AGPAT3: variants seen among roughly 807,000 people sequenced by gnomAD.
AGPAT3 encodes 1-acylglycerol-3-phosphate O-acyltransferase 3, also known as 1-acyl-sn-glycerol-3-phosphate acyltransferase gamma.
AGPAT3 carries 5 observed loss-of-function variants against 47.3 expected under a neutral mutation model. That is an observed-to-expected ratio of 0.11 (90% CI 0.06 to 0.22). The LOEUF is 0.22. Among genes scored for constraint, AGPAT3 ranks in the 10% least tolerant of loss-of-function variants. AGPAT3 has a pLI of 1.00. For missense variants in AGPAT3, 315 were observed against 493.0 expected, an observed-to-expected ratio of 0.64 and a Z score of 3.42; for synonymous variants, 212 against 208.3, an observed-to-expected ratio of 1.02 and a Z score of -0.15.
At chr21:43,917,839 T>TG (rs2086771926) in intron 2 of AGPAT3, among the ~76,000 whole-genome samples, 19 of 56,720 alleles carry the variant, frequency 3.3e-4, no homozygotes, top group Middle Eastern at 7.7e-3. Context: ...TTGTGGGTGT[T>TG]GTGTTGTGGG....
intron 7 of AGPAT3, among the ~76,000 whole-genome samples, chr21:43,975,900 G>C (rs976926443): frequency 2.0e-5 from 3 of 152,060 alleles, no homozygotes; most frequent in African/African-American, 7.2e-5. Flanking sequence ...CCGTCGCAGG[G>C]AAGAGGCAGC....
chr21:43,916,357 A>G (rs1193382882), intron 2 of AGPAT3: 2 of 152,200 alleles, frequency 1.3e-5, no homozygotes, highest in Non-Finnish European at 2.9e-5. Flanking sequence ...CTGCCTTCAC[A>G]TGCTGAGATG....
intron 5 of AGPAT3, 137 bp downstream of exon 5, chr21:43,969,416 T>G (rs1396182019): frequency 8.8e-7 from 1 of 1,138,710 alleles, no homozygotes; most frequent in East Asian, 2.5e-5. Flanking sequence ...CATGGGGCCA[T>G]GACTCCCCCA....
At chr21:43,902,519 G>C (rs1300259914) in intron 1 of AGPAT3, among the ~76,000 whole-genome samples, 5 of 152,248 alleles carry the variant, frequency 3.3e-5, no homozygotes, top group African/African-American at 1.2e-4. Context: ...CAAGGTGCCT[G>C]TAGGTTTGGT....
At chr21:43,918,180 AGTTGTGGGTGTTGGGTTGTGGAG>A (rs2086798434) in intron 2 of AGPAT3, among the ~76,000 whole-genome samples, 1 of 60,630 alleles carries the variant, frequency 1.6e-5, no homozygotes, top group African/African-American at 4.9e-5. Flanking sequence ...GTGTTGTGGG[AGTTGTGGGTGTTGGGTTGTGGAG>A]GTTGTGGGTG....
rs1477929441 is a variant in AGPAT3 at position 43,930,789 on chromosome 21, C to T, written c.-49+26770C>T. ...TGGGGTGGCAGGAGGTGGCTCCTCA[C>T]GGTGGCCGGGGTGGCCCACGGCAGG... On this transcript the variant is annotated intron_variant, in intron 2 of 9. Transcript: ENST00000291572. The surrounding 1 kb of genome is among the most constrained non-coding windows in gnomAD (Gnocchi z 5.0). Among the ~76,000 whole-genome samples, 11 of 152,136 alleles carry T rather than the reference C, an allele frequency of 7.2e-5. No individual in the cohort carries two copies. Among genetic ancestry groups the T allele is most frequent in the African/African-American group, 2.4e-4 (10 of 41,434 alleles).
intron 1 of AGPAT3, among the ~76,000 whole-genome samples, chr21:43,874,959 G>C (rs1186322461): frequency 1.3e-5 from 2 of 152,080 alleles, no homozygotes; most frequent in African/African-American, 4.8e-5. Context: ...TATATAACCT[G>C]TGCACATTCT....
chr21:43,918,722 G>A (rs375887936), intron 2 of AGPAT3, among the ~76,000 whole-genome samples: 3 of 151,864 alleles, frequency 2.0e-5, no homozygotes, highest in South Asian at 2.1e-4. Context: ...AATTACAGGC[G>A]TGCGCCACCA....
intron 1 of AGPAT3, among the ~76,000 whole-genome samples, chr21:43,869,487 C>T (rs904794611): frequency 6.6e-6 from 1 of 152,188 alleles, no homozygotes; most frequent in African/African-American, 2.4e-5. Flanking sequence ...AGGAAGACCG[C>T]GTCAGTTTGG....
Position 43,920,710 on chromosome 21 carries a change from A to G in AGPAT3, c.-49+16691A>G, listed in dbSNP as rs971396614. Among the ~76,000 whole-genome samples the G allele has an allele frequency of 5.3e-5, 8 of 150,900 alleles. No individual in the cohort carries two copies. Among genetic ancestry groups the G allele is most frequent in the East Asian group, 1.9e-4 (1 of 5,158 alleles). ...AGCGTTTGGGGGCTTGCAGGCTGCT[A>G]AGCACGGGGAGGTTCCCGGAGGGTG... is the stretch of plus-strand genomic sequence containing the variant. On this transcript the variant is annotated intron_variant, in intron 2 of 9. Transcript: ENST00000291572. This position sits in a 1 kb window ranked among gnomAD's most constrained non-coding sequence, Gnocchi z 6.1.
At chr21:43,883,520 T>TC (rs2085900132) in intron 1 of AGPAT3, among the ~76,000 whole-genome samples, 1 of 152,256 alleles carries the variant, frequency 6.6e-6, no homozygotes, top group African/African-American at 2.4e-5. Context: ...CTTGAGTTTT[T>TC]CCCCAGAGTG....
At position 43,911,572 on chromosome 21, in the gene AGPAT3, T is replaced by C. The variant is rs149456408; in HGVS notation, c.-49+7553T>C. ...TTGCCTCCTGCCTGCTCTTTCTTTC[T>C]GTCTGTCTGGTGCCGTTCATAAGTT... On this transcript the variant is annotated intron_variant, in intron 2 of 9. Coordinates refer to ENST00000291572, the MANE Select transcript of AGPAT3 (RefSeq NM_020132.5). 1.7e-3 allele frequency among the ~76,000 whole-genome samples: 261 copies of C among 152,318 alleles called. 2 individuals are homozygous for C. The highest frequency in any genetic ancestry group is 5.5e-3 in the African/African-American group (229 of 41,576).
intron 1 of AGPAT3, among the ~76,000 whole-genome samples, chr21:43,877,648 T>C (rs2085763580): frequency 6.6e-6 from 1 of 152,110 alleles, no homozygotes; most frequent in South Asian, 2.1e-4. Flanking sequence ...TTCTCCTTGT[T>C]GGTCAGGCTG....
chr21:43,867,369 C>G, intron 1 of AGPAT3: 1 of 152,386 alleles, frequency 6.6e-6, no homozygotes, highest in East Asian at 1.9e-4. Flanking sequence ...TGTTGGAATT[C>G]TCCTAAACAG....
intron 1 of AGPAT3, among the ~76,000 whole-genome samples, chr21:43,890,275 C>G (rs1008975067): frequency 1.3e-5 from 2 of 152,140 alleles, no homozygotes; most frequent in Non-Finnish European, 2.9e-5. Flanking sequence ...TGAGACCGCG[C>G]GTCTGCTTCC....
rs148347181 is a variant in AGPAT3 at position 43,987,346 on chromosome 21, A to G, written c.*4954A>G. Among the ~76,000 whole-genome samples the G allele has an allele frequency of 8.5e-4, 129 of 152,310 alleles. 1 individual carries two copies. The highest frequency in any genetic ancestry group is 3.8e-3 in the Admixed American group (58 of 15,306). ...AGTTGCTTTCTGGGAGGGGAAATTGAAAAGGAGAGCGGTCACCTGGCAAAA... is the reference window on the plus strand; with the variant it reads ...AGTTGCTTTCTGGGAGGGGAAATTGGAAAGGAGAGCGGTCACCTGGCAAAA... On this transcript the variant is annotated 3_prime_UTR_variant, in exon 10 of 10. Coordinates refer to ENST00000291572, the MANE Select transcript of AGPAT3 (RefSeq NM_020132.5).
intron 1 of AGPAT3, among the ~76,000 whole-genome samples, chr21:43,895,776 G>A (rs953494289): frequency 6.6e-6 from 1 of 151,518 alleles, no homozygotes; most frequent in Non-Finnish European, 1.5e-5. Context: ...GTTTTTCGTG[G>A]GTTTTTTTGA....
intron 2 of AGPAT3, among the ~76,000 whole-genome samples, chr21:43,907,016 G>GTTTC (rs1184162438): frequency 6.7e-6 from 1 of 149,354 alleles, no homozygotes; most frequent in African/African-American, 2.5e-5. Flanking sequence ...GCGAGGGTCT[G>GTTTC]TTTCTTTTCT....
rs1454592259 is a variant in AGPAT3 at position 43,968,133 on chromosome 21, G to A, written c.348+18G>A. 6 of 1,611,380 alleles carry A rather than the reference G, an allele frequency of 3.7e-6. No homozygotes were observed. Among genetic ancestry groups the A allele is most frequent in the Non-Finnish European group, 5.1e-6 (6 of 1,178,902 alleles). ...TGCTGGGGGTGAGCGGGGACCTGGGGAGGGCCACGGGTGAGCAGGAGGGTC... is the reference window on the plus strand; with the variant it reads ...TGCTGGGGGTGAGCGGGGACCTGGGAAGGGCCACGGGTGAGCAGGAGGGTC... On this transcript the variant is annotated intron_variant, in intron 4 of 9. Transcript: ENST00000291572.
Sources: gnomAD v4.1 joint callset for allele counts (sites outside exome capture counted in the v4.1 genomes callset) on GRCh38, gnomAD v4.1.1 for gene constraint, Gnocchi (gnomAD v3.1) non-coding constraint, MANE v1.5 for transcripts, NCBI Gene and HGNC (gene_info 2026-07-23, HGNC 2026-07-21) for gene names.